Variants in THEMIS observed in about 807,000 individuals in gnomAD.
THEMIS encodes the protein thymocyte selection associated.
Under a neutral mutation model 52.6 loss-of-function variants are expected in THEMIS, and 37 were observed. The observed-to-expected ratio is 0.70, with a 90% CI of 0.54 to 0.93. The LOEUF (loss-of-function observed/expected upper bound fraction) is 0.93. Ranked by LOEUF, THEMIS falls within the 40% of genes least tolerant of loss-of-function variation. THEMIS has a pLI of 0.00. For synonymous variants in THEMIS, 292 were observed against 272.7 expected (o/e 1.07, Z -0.70); for missense variants, 808 against 763.1 (o/e 1.06, Z -0.69).
At chr6:127,769,645 T>C (rs1776312269) in intron 4 of THEMIS, among the ~76,000 whole-genome samples, 1 of 152,174 alleles carries the variant, frequency 6.6e-6, no homozygotes, top group Non-Finnish European at 1.5e-5. Flanking sequence ...TATATATATT[T>C]ATACTTTAAA....
chr6:127,881,908 G>T (rs1780495134), intron 1 of THEMIS, among the ~76,000 whole-genome samples: 1 of 150,608 alleles, frequency 6.6e-6, no homozygotes, highest in South Asian at 2.1e-4. Context: ...TACACTAAAA[G>T]GTTAACTTTT....
intron 1 of THEMIS, among the ~76,000 whole-genome samples, chr6:127,861,783 CA>C (rs1225783673): frequency 0.05 from 4,767 of 95,022 alleles, 30 homozygotes; most frequent in African/African-American, 0.07. Flanking sequence ...GACTCCATCT[CA>C]AAAAAAAAAA....
chr6:127,798,111 T>C (rs1777391894), intron 4 of THEMIS, among the ~76,000 whole-genome samples: 1 of 152,238 alleles, frequency 6.6e-6, no homozygotes, highest in Admixed American at 6.5e-5. Context: ...TGAGTCTATA[T>C]GTGTATGAAT....
At chr6:127,847,168 G>A (rs1043111215) in intron 2 of THEMIS, among the ~76,000 whole-genome samples, 3 of 151,938 alleles carry the variant, frequency 2.0e-5, no homozygotes, top group African/African-American at 7.2e-5. Flanking sequence ...CAAACCCACA[G>A]CCAACATCAT....
chr6:127,898,933 T>C (rs369468725), intron 1 of THEMIS, among the ~76,000 whole-genome samples: 6 of 151,566 alleles, frequency 4.0e-5, no homozygotes, highest in South Asian at 2.1e-4. Context: ...ATCATGGAGA[T>C]AGAGAGTAGA....
At chr6:127,822,591 A>G (rs76091952) in intron 3 of THEMIS, among the ~76,000 whole-genome samples, 2,862 of 152,236 alleles carry the variant, frequency 0.019, 109 homozygotes, top group African/African-American at 0.066. Context: ...AGAAAAGCAA[A>G]TAAACACTTT....
intron 4 of THEMIS, among the ~76,000 whole-genome samples, chr6:127,785,220 T>TACCTACC (rs144394110): frequency 3.2e-5 from 3 of 93,826 alleles, no homozygotes; most frequent in African/African-American, 1.1e-4. Flanking sequence ...ATTATCTATC[T>TACCTACC]TATCTATCTA....
At chr6:127,832,775 A>ATTTTTTT (rs1251377975) in intron 2 of THEMIS, among the ~76,000 whole-genome samples, 18 of 54,004 alleles carry the variant, frequency 3.3e-4, no homozygotes, top group East Asian at 7.5e-4. Context: ...GGATTGTCAG[A>ATTTTTTT]TCTTTTTTTT....
Position 127,878,529 on chromosome 6 carries a change from G to A in THEMIS, c.91+22313C>T, listed in dbSNP as rs534402826. Among the ~76,000 whole-genome samples the A allele has an allele frequency of 1.2e-4, 18 of 152,194 alleles. 1 individual carries two copies. The highest frequency in any genetic ancestry group is 5.9e-4 in the Admixed American group (9 of 15,294). ...TTGTACTAGGCCTTCAGGTTTATGG[G>A]GTAAGAGACTGATAGCTATCATCTA... On this transcript the variant is annotated intron_variant, in intron 1 of 5. Coordinates refer to ENST00000368248, the MANE Select transcript of THEMIS (RefSeq NM_001010923.3).
intron 5 of THEMIS, among the ~76,000 whole-genome samples, chr6:127,716,921 G>C (rs928567422): frequency 1.3e-5 from 2 of 151,730 alleles, no homozygotes; most frequent in South Asian, 4.1e-4. Context: ...ATCAAAAAGG[G>C]TTTCTCACCC....
At chr6:127,720,809 C>T (rs1166555454) in intron 4 of THEMIS, among the ~76,000 whole-genome samples, 1 of 151,962 alleles carries the variant, frequency 6.6e-6, no homozygotes, top group Non-Finnish European at 1.5e-5. Flanking sequence ...CTTGAGTTAA[C>T]AAAATGAACA....
chr6:127,823,383 C>T (rs761568026), intron 3 of THEMIS, among the ~76,000 whole-genome samples: 2 of 152,062 alleles, frequency 1.3e-5, no homozygotes, highest in African/African-American at 4.8e-5. Flanking sequence ...CTATTGAACT[C>T]ATAAATATGT....
At chr6:127,725,540 A>T (rs1774514053) in intron 4 of THEMIS, among the ~76,000 whole-genome samples, 1 of 152,082 alleles carries the variant, frequency 6.6e-6, no homozygotes, top group African/African-American at 2.4e-5. Flanking sequence ...AGTGTTTTTT[A>T]TAAAAACTAA....
rs140889971 is a variant in THEMIS, at chr6:127,850,306, T to C, written c.250+4724A>G. On this transcript the variant is annotated intron_variant, in intron 2 of 5. Transcript: ENST00000368248. Reference sequence around the variant, plus strand: ...TTTAGACTGCTGGTGAGAATATAAATTAGTACAACCACTATGGAAAACAGT... The same window carrying C: ...TTTAGACTGCTGGTGAGAATATAAACTAGTACAACCACTATGGAAAACAGT... Among the ~76,000 whole-genome samples the C allele has an allele frequency of 4.3e-3, 657 of 152,036 alleles. 5 individuals are homozygous for C. The highest frequency in any genetic ancestry group is 0.015 in the African/African-American group (613 of 41,520).
chr6:127,859,803 A>G (rs1459820549), intron 1 of THEMIS, among the ~76,000 whole-genome samples: 1 of 152,156 alleles, frequency 6.6e-6, no homozygotes. Context: ...CATCTGAGAT[A>G]TATTTTTATA....
chr6:127,715,292 A>G (rs929696163), intron 5 of THEMIS, among the ~76,000 whole-genome samples: 35 of 151,948 alleles, frequency 2.3e-4, no homozygotes, highest in African/African-American at 8.0e-4. Flanking sequence ...GAAAGGACAG[A>G]TTTTTAAATC....
At position 127,787,672 on chromosome 6, in the gene THEMIS, T is replaced by C. The variant is rs575631779; in HGVS notation, c.1758+25211A>G. Among the ~76,000 whole-genome samples the C allele has an allele frequency of 1.6e-4, 25 of 152,252 alleles. 1 individual carries two copies. In the East Asian group the frequency reaches 4.8e-3, roughly 29 times the overall value. On this transcript the variant is annotated intron_variant, in intron 4 of 5. Transcript: ENST00000368248. The stretch of plus-strand genomic sequence containing the variant: ...TATCTTGATAAACGATACCATAAAA[T>C]GATTCTCGTTTCTCATCATTACAAA...
intron 4 of THEMIS, among the ~76,000 whole-genome samples, chr6:127,733,707 A>G (rs1402110470): frequency 2.6e-5 from 4 of 152,186 alleles, no homozygotes; most frequent in South Asian, 4.1e-4. Flanking sequence ...ATCAAATCTG[A>G]ATCTATCAGG....
At chr6:127,820,466 T>G (rs1778299720) in intron 3 of THEMIS, among the ~76,000 whole-genome samples, 1 of 152,080 alleles carries the variant, frequency 6.6e-6, no homozygotes, top group Non-Finnish European at 1.5e-5. Flanking sequence ...GCACAGGGAC[T>G]GGACAGGAGA....
Sources: allele counts gnomAD v4.1 joint callset (sites outside exome capture counted in the v4.1 genomes callset), GRCh38; gene constraint gnomAD v4.1.1; transcripts MANE v1.5; gene names NCBI Gene and HGNC (gene_info 2026-07-23, HGNC 2026-07-21).